The following FZD10 variants were observed in gnomAD, a reference collection of about 807,000 sequenced individuals.
The protein encoded by FZD10 is frizzled-10.
FZD10 carries 14 observed loss-of-function variants against 24.4 expected under a neutral mutation model. The observed-to-expected ratio is 0.57, with a 90% CI of 0.38 to 0.90. FZD10 has a LOEUF of 0.90. Ranked by LOEUF, FZD10 falls within the 40% of genes least tolerant of loss-of-function variation. The pLI, the probability that FZD10 is intolerant of heterozygous loss-of-function variation, is 0.00. For synonymous variants in FZD10, 381 were observed against 349.1 expected (o/e 1.09, Z -1.02); for missense variants, 775 against 816.6 (o/e 0.95, Z 0.62).
At position 130,163,766 on chromosome 12, in the gene FZD10, TGGGCTA is replaced by T; in HGVS notation, c.825_830del (p.Gly276_Tyr277del). The T allele has an allele frequency of 1.2e-6, 2 of 1,613,910 alleles. No homozygotes were observed. Among genetic ancestry groups the T allele is most frequent in the Non-Finnish European group, 1.7e-6 (2 of 1,180,048 alleles). ...TCCATGTGCTACTGCGTCTACTCCG[TGGGCTA>T]CCTCATCCGCCTCTTCGCCGGCGCC... On this transcript the variant is annotated inframe_deletion, in exon 1 of 1. Coordinates refer to ENST00000229030, the MANE Select transcript of FZD10 (RefSeq NM_007197.4).
chr12:130,164,464 A>T lies in FZD10; in HGVS notation c.1522A>T (p.Ile508Phe). Residue 508 changes from isoleucine to phenylalanine, a missense_variant, in exon 1 of 1, where the codon ATC becomes TTC. Coordinates refer to ENST00000229030, the MANE Select transcript of FZD10 (RefSeq NM_007197.4). The surrounding 1 kb of genome is among the most constrained non-coding windows in gnomAD (Gnocchi z 5.3). Reference sequence around the variant, plus strand: ...CGCCGTGGAGATCTTCATGGTGAAGATCTTTATGCTGCTGGTGGTGGGGAT... The same window carrying T: ...CGCCGTGGAGATCTTCATGGTGAAGTTCTTTATGCTGCTGGTGGTGGGGAT... ...IPAVEIFMVK[I>F]FMLLVVGITS... 1 of 1,613,536 alleles carries T rather than the reference A, an allele frequency of 6.2e-7. No individual in the cohort carries two copies. The highest frequency in any genetic ancestry group is 8.5e-7 in the Non-Finnish European group (1 of 1,179,962).
In FZD10 at chr12:130,163,323, G is replaced by A. The variant is rs751018133; in HGVS notation, c.381G>A (p.Lys127=). 1.9e-6 allele frequency: 3 copies of A among 1,613,170 alleles called. No homozygotes were observed. In the Admixed American group the frequency reaches 5.0e-5, roughly 27 times the overall value. Residue 127 remains lysine, a synonymous_variant, in exon 1 of 1, where the codon AAG becomes AAA. Coordinates refer to ENST00000229030, the MANE Select transcript of FZD10 (RefSeq NM_007197.4). ...CGATTATGGAGCAGTTCAACTTCAA[G>A]TGGCCCGACTCCCTGGACTGCCGGA... ...CSPIMEQFNF[K]WPDSLDCRKL...
In FZD10 at chr12:130,162,822, C is replaced by T; in HGVS notation, c.-121C>T. 1.6e-6 allele frequency: 1 copy of T among 613,546 alleles called. No homozygotes were observed. 38.0% of individuals were successfully genotyped at this position (613,546 alleles called of 1,614,324 possible). ...GCTGTGCGCAGCGCTCGGGCCAGGC[C>T]GGGCGGGCATGGGCGGGGGCCCGAG... On this transcript the variant is annotated 5_prime_UTR_variant, in exon 1 of 1. Coordinates refer to ENST00000229030, the MANE Select transcript of FZD10 (RefSeq NM_007197.4).
In FZD10 at chr12:130,164,738, C is replaced by T. The variant is rs1282689970; in HGVS notation, c.*50C>T. The T allele has an allele frequency of 3.9e-6, 5 of 1,266,950 alleles. No individual in the cohort carries two copies. The South Asian group carries it at 8.0e-5, about 20-fold the overall frequency. 78.5% of individuals were successfully genotyped at this position (1,266,950 alleles called of 1,614,324 possible). ...GGGCGCCCGGAGCTAAGATGTGGTG[C>T]TTTTCTTGGTTGTGTTTTTCTTTCT... On this transcript the variant is annotated 3_prime_UTR_variant, in exon 1 of 1. Transcript: ENST00000229030. The surrounding 1 kb of genome is among the most constrained non-coding windows in gnomAD (Gnocchi z 5.3).
chr12:130,164,721 G>C lies in FZD10; in HGVS notation c.*33G>C. On this transcript the variant is annotated 3_prime_UTR_variant, in exon 1 of 1. Coordinates refer to ENST00000229030, the MANE Select transcript of FZD10 (RefSeq NM_007197.4). This position sits in a 1 kb window ranked among gnomAD's most constrained non-coding sequence, Gnocchi z 5.3. ...TGGAGGGAAGGGCACAGGGGCGCCC[G>C]GAGCTAAGATGTGGTGCTTTTCTTG... 3 of 1,455,568 alleles carry C rather than the reference G, an allele frequency of 2.1e-6. No homozygotes were observed. The highest frequency in any genetic ancestry group is 1.4e-5 in the African/African-American group (1 of 70,302). The allele number at this position is 1,455,568 out of a possible 1,614,324, so 90.2% of individuals were successfully genotyped here. A position where few individuals can be genotyped will look rare whatever the true frequency, so the allele number is the denominator to read the frequency against.
chr12:130,163,108 A>C lies in FZD10; in HGVS notation c.166A>C (p.Met56Leu). The change falls in exon 1 of 1, where the codon ATG (methionine) becomes CTG (leucine). Residue 56 changes from methionine (M) to leucine (L), a missense_variant. Met to Leu is a conservative substitution (Grantham distance 15, BLOSUM62 2). Transcript: ENST00000229030. ...CAACATGACTCGTATGCCCAACCTG[A>C]TGGGCCACGAGAACCAGCGCGAGGC... is the stretch of plus-strand genomic sequence containing the variant. ...GYNMTRMPNL[M>L]GHENQREAAI... is the part of the protein sequence containing the mutation. 1 of 1,612,748 alleles carries C rather than the reference A, an allele frequency of 6.2e-7. No individual in the cohort carries two copies.
At position 130,164,270 on chromosome 12, in the gene FZD10, G is replaced by C. The variant is rs375151076; in HGVS notation, c.1328G>C (p.Arg443Pro). 5 of 1,614,156 alleles carry C rather than the reference G, an allele frequency of 3.1e-6. No individual in the cohort carries two copies. The highest frequency in any genetic ancestry group is 4.2e-6 in the Non-Finnish European group (5 of 1,180,032). Residue 443 changes from arginine (R) to proline (P), a missense_variant, in exon 1 of 1, where the codon CGT becomes CCT. Arg to Pro is a moderately radical substitution (Grantham distance 103). Transcript: ENST00000229030. The surrounding 1 kb of genome is among the most constrained non-coding windows in gnomAD (Gnocchi z 5.3). Reference protein sequence around the residue: ...NTDKLEKLMVRIGLFSVLYTV... With the variant: ...NTDKLEKLMVPIGLFSVLYTV... ...GACAAGCTGGAGAAGCTCATGGTGC[G>C]TATCGGGCTCTTCTCTGTGCTGTAC...
At position 130,164,685 on chromosome 12, in the gene FZD10, G is replaced by A; in HGVS notation, c.1743G>A (p.Val581=). The A allele has an allele frequency of 6.2e-7, 1 of 1,601,890 alleles. No individual in the cohort carries two copies. The highest frequency in any genetic ancestry group is 8.5e-7 in the Non-Finnish European group (1 of 1,174,072). Residue 581 remains valine, a synonymous_variant, in exon 1 of 1, where the codon GTG becomes GTA. Transcript: ENST00000229030. The surrounding 1 kb of genome is among the most constrained non-coding windows in gnomAD (Gnocchi z 5.3). The part of the protein sequence containing the change: ...YEIPAQSPTC[V] ...TCCCTGCCCAGTCGCCCACCTGCGT[G>A]TGAACAGGGCTGGAGGGAAGGGCAC...
In FZD10 at chr12:130,162,827, G is replaced by A. The variant is rs970684882; in HGVS notation, c.-116G>A. 4.7e-6 allele frequency: 3 copies of A among 635,490 alleles called. No homozygotes were observed. Among genetic ancestry groups the A allele is most frequent in the Admixed American group, 8.7e-5 (2 of 22,990 alleles). The allele number at this position is 635,490 out of a possible 1,614,324, so 39.4% of individuals were successfully genotyped here. The stretch of plus-strand genomic sequence containing the variant: ...GCGCAGCGCTCGGGCCAGGCCGGGC[G>A]GGCATGGGCGGGGGCCCGAGCAGGG... On this transcript the variant is annotated 5_prime_UTR_variant, in exon 1 of 1. Transcript: ENST00000229030.
chr12:130,163,220 C>T lies in FZD10; in HGVS notation c.278C>T (p.Pro93Leu). 6.2e-7 allele frequency: 1 copy of T among 1,612,966 alleles called. No homozygotes were observed. The highest frequency in any genetic ancestry group is 8.5e-7 in the Non-Finnish European group (1 of 1,179,968). Residue 93 changes from proline to leucine, a missense_variant, in exon 1 of 1, where the codon CCG becomes CTG. Coordinates refer to ENST00000229030, the MANE Select transcript of FZD10 (RefSeq NM_007197.4). Reference protein sequence around the residue: ...LRFFLCSLYAPMCTEQVSTPI... With the variant: ...LRFFLCSLYALMCTEQVSTPI... ...TTCTTCCTGTGCTCGCTGTACGCGCCGATGTGCACCGAGCAGGTCTCTACC... is the reference window on the plus strand; with the variant it reads ...TTCTTCCTGTGCTCGCTGTACGCGCTGATGTGCACCGAGCAGGTCTCTACC...
At position 130,164,145 on chromosome 12, in the gene FZD10, C is replaced by T. The variant is rs2135796504; in HGVS notation, c.1203C>T (p.Pro401=). The part of the protein sequence containing the change: ...VNALTGFVLI[P]LACYLVIGTS... The stretch of plus-strand genomic sequence containing the variant: ...CGCTCACCGGCTTCGTGCTCATTCC[C>T]CTGGCCTGCTACCTGGTCATCGGCA... Residue 401 remains proline (P), a synonymous_variant, in exon 1 of 1, where the codon CCC becomes CCT. Coordinates refer to ENST00000229030, the MANE Select transcript of FZD10 (RefSeq NM_007197.4). This position sits in a 1 kb window ranked among gnomAD's most constrained non-coding sequence, Gnocchi z 5.3. 1 of 1,614,070 alleles carries T rather than the reference C, an allele frequency of 6.2e-7. No homozygotes were observed. The highest frequency in any genetic ancestry group is 8.5e-7 in the Non-Finnish European group (1 of 1,180,030).
Position 130,164,646 on chromosome 12 carries a change from C to A in FZD10, c.1704C>A (p.His568Gln). The change falls in exon 1 of 1, where the codon CAC (histidine) becomes CAA (glutamine). Residue 568 changes from histidine (H) to glutamine (Q), a missense_variant. Transcript: ENST00000229030. This position sits in a 1 kb window ranked among gnomAD's most constrained non-coding sequence, Gnocchi z 5.3. Reference sequence around the variant, plus strand: ...CCCAGCATCCCCAGAAAACTCACCACGGGAAATATGAGATCCCTGCCCAGT... The same window carrying A: ...CCCAGCATCCCCAGAAAACTCACCAAGGGAAATATGAGATCCCTGCCCAGT... ...KKAQHPQKTH[H>Q]GKYEIPAQSP... The A allele has an allele frequency of 6.2e-7, 1 of 1,612,048 alleles. No homozygotes were observed. Among genetic ancestry groups the A allele is most frequent in the Non-Finnish European group, 8.5e-7 (1 of 1,179,724 alleles).
In FZD10 at chr12:130,162,942, C is replaced by T. The variant is rs1259779503; in HGVS notation, c.-1C>T. ...CCCGCGAGGACACGTCCAACGCCAG[C>T]ATGCAGCGCCCGGGCCCCCGCCTGT... is the stretch of plus-strand genomic sequence containing the variant. On this transcript the variant is annotated 5_prime_UTR_variant, in exon 1 of 1. Coordinates refer to ENST00000229030, the MANE Select transcript of FZD10 (RefSeq NM_007197.4). The T allele has an allele frequency of 5.9e-6, 9 of 1,516,030 alleles. No individual in the cohort carries two copies. In the African/African-American group the frequency reaches 8.3e-5, roughly 14 times the overall value. 93.9% of individuals were successfully genotyped at this position (1,516,030 alleles called of 1,614,324 possible). A position where few individuals can be genotyped will look rare whatever the true frequency, so the allele number is the denominator to read the frequency against.
At position 130,163,705 on chromosome 12, in the gene FZD10, C is replaced by CG; in HGVS notation, c.764dup (p.Phe256LeufsTer233). On this transcript the variant is annotated frameshift_variant, in exon 1 of 1. Coordinates refer to ENST00000229030, the MANE Select transcript of FZD10 (RefSeq NM_007197.4). LOFTEE classifies it high-confidence loss of function. ...GCTCACCTTCCTCATCGACCCGGCC[C>CG]GCTTCCGCTACCCCGAGCGCCCCAT... 1 of 1,613,880 alleles carries CG rather than the reference C, an allele frequency of 6.2e-7. No homozygotes were observed. Among genetic ancestry groups the CG allele is most frequent in the Non-Finnish European group, 8.5e-7 (1 of 1,180,044 alleles).
At position 130,162,533 on chromosome 12, in the gene FZD10, G is replaced by A. The variant is rs1185793600; in HGVS notation, c.-410G>A. 6.5e-6 allele frequency: 1 copy of A among 153,088 alleles called. No individual in the cohort carries two copies. Among genetic ancestry groups the A allele is most frequent in the Non-Finnish European group, 1.5e-5 (1 of 68,956 alleles). 9.5% of individuals were successfully genotyped at this position (153,088 alleles called of 1,614,324 possible). ...CCCGGCCGAGGCCGGCGCAGGGAGG[G>A]AGGAGCCGCCCGGGCTGTGGGGGCG... On this transcript the variant is annotated 5_prime_UTR_variant, in exon 1 of 1. Transcript: ENST00000229030.
Position 130,162,684 on chromosome 12 carries a change from G to T in FZD10, c.-259G>T, listed in dbSNP as rs1871683963. On this transcript the variant is annotated 5_prime_UTR_variant, in exon 1 of 1. Transcript: ENST00000229030. ...GTTGGAGCTCGCGCCGGGCCGCTGC[G>T]CCGGGAGCTCCGGGGGCTTCCCTCG... is the stretch of plus-strand genomic sequence containing the variant. 4.6e-6 allele frequency: 1 copy of T among 219,562 alleles called. No homozygotes were observed. Among genetic ancestry groups the T allele is most frequent in the African/African-American group, 2.3e-5 (1 of 43,386 alleles). 13.6% of individuals were successfully genotyped at this position (219,562 alleles called of 1,614,324 possible).
rs1438297984 is a variant in FZD10 at position 130,162,535 on chromosome 12, G to GGA, written c.-406_-405dup. 1 of 153,184 alleles carries GGA rather than the reference G, an allele frequency of 6.5e-6. No homozygotes were observed. The highest frequency in any genetic ancestry group is 2.4e-5 in the African/African-American group (1 of 41,398). The allele number at this position is 153,184 out of a possible 1,614,324, so 9.5% of individuals were successfully genotyped here. ...CGGCCGAGGCCGGCGCAGGGAGGGAGGAGCCGCCCGGGCTGTGGGGGCGCC... is the reference window on the plus strand; with the variant it reads ...CGGCCGAGGCCGGCGCAGGGAGGGAGGAGAGCCGCCCGGGCTGTGGGGGCGCC... On this transcript the variant is annotated 5_prime_UTR_variant, in exon 1 of 1. Transcript: ENST00000229030.
At position 130,164,019 on chromosome 12, in the gene FZD10, G is replaced by A; in HGVS notation, c.1077G>A (p.Trp359Ter). The A allele has an allele frequency of 6.2e-7, 1 of 1,613,724 alleles. No individual in the cohort carries two copies. The highest frequency in any genetic ancestry group is 8.5e-7 in the Non-Finnish European group (1 of 1,180,034). Residue 359 changes from tryptophan to a stop codon, truncating the protein, a stop_gained, in exon 1 of 1, where the codon TGG becomes TGA. Transcript: ENST00000229030. LOFTEE classifies it high-confidence loss of function. This position sits in a 1 kb window ranked among gnomAD's most constrained non-coding sequence, Gnocchi z 5.3. ...GCAGCTACTTCCACCTGGCAGCCTG[G>A]GCCATCCCGGCGGTGAAGACCATCC... ...ANSSYFHLAA[W>*]AIPAVKTILI... is the part of the protein sequence containing the mutation.
chr12:130,164,883 GT>G lies in FZD10; in HGVS notation c.*199del, dbSNP rs1425102035. On this transcript the variant is annotated 3_prime_UTR_variant, in exon 1 of 1. Transcript: ENST00000229030. This position sits in a 1 kb window ranked among gnomAD's most constrained non-coding sequence, Gnocchi z 5.3. The stretch of plus-strand genomic sequence containing the variant: ...AAATGTACTTAAAGGGTTTTGTTTT[GT>G]TTTGGTTTTCCAGCGAAGGGAAGCT... The G allele has an allele frequency of 4.0e-6, 2 of 502,668 alleles. No homozygotes were observed. The highest frequency in any genetic ancestry group is 7.1e-6 in the Non-Finnish European group (2 of 282,548). The allele number at this position is 502,668 out of a possible 1,614,324, so 31.1% of individuals were successfully genotyped here. A position where few individuals can be genotyped will look rare whatever the true frequency, so the allele number is the denominator to read the frequency against.
Sources: gnomAD v4.1 joint callset for allele counts on GRCh38, gnomAD v4.1.1 for gene constraint, Gnocchi (gnomAD v3.1) non-coding constraint, MANE v1.5 for transcripts, NCBI Gene and HGNC (gene_info 2026-07-23, HGNC 2026-07-21) for gene names.